ETV7: variants seen among roughly 807,000 people sequenced by gnomAD.
ETV7 encodes the protein transcription factor ETV7.
A neutral mutation model predicts 39.1 loss-of-function variants in ETV7; 43 were observed. The observed-to-expected ratio is 1.10, with a 90% CI of 0.86 to 1.42. The LOEUF (loss-of-function observed/expected upper bound fraction) is 1.42. Ranked by LOEUF, ETV7 falls within the 40% of genes most tolerant of loss-of-function variation. The pLI, the probability that ETV7 is intolerant of heterozygous loss-of-function variation, is 0.00. For missense variants in ETV7, 432 were observed against 442.3 expected, an observed-to-expected ratio of 0.98 and a Z score of 0.21; for synonymous variants, 196 against 176.6, an observed-to-expected ratio of 1.11 and a Z score of -0.87.
At position 36,371,414 on chromosome 6, in the gene ETV7, G is replaced by A. The variant is rs551655795; in HGVS notation, c.580C>T (p.His194Tyr). ...GTCCTGCAGCCGAGCTCTGCACAGT[G>A]ACATAAGTTGAGGGACTCCTCCTTG... is the stretch of plus-strand genomic sequence containing the variant. ...PGKEESLNLC[H>Y]CAELGCRTQG... Residue 194 changes from histidine (H) to tyrosine (Y), a missense_variant, in exon 5 of 8, where the codon CAC becomes TAC. Physicochemically the swap from His to Tyr is moderately conservative, Grantham distance 83. Coordinates refer to ENST00000340181, the MANE Select transcript of ETV7 (RefSeq NM_016135.4). 19 of 1,602,542 alleles carry A rather than the reference G, an allele frequency of 1.2e-5. No individual in the cohort carries two copies. The highest frequency in any genetic ancestry group is 1.5e-5 in the Non-Finnish European group (18 of 1,174,008).
At chr6:36,385,745 A>AT (rs1438564761) in intron 1 of ETV7, 76 bp from the exon 2 acceptor site, 2 of 1,503,914 alleles carry the variant, frequency 1.3e-6, no homozygotes, top group Non-Finnish European at 1.8e-6. Flanking sequence ...TGTCTTAAGA[A>AT]TTTTTTTGGA....
intron 7 of ETV7, among the ~76,000 whole-genome samples, chr6:36,356,087 G>A (rs894558918): frequency 4.6e-5 from 7 of 152,188 alleles, no homozygotes; most frequent in African/African-American, 1.4e-4. Flanking sequence ...AAAAGGAGAT[G>A]TATTCGAAAG....
Position 36,368,978 on chromosome 6 carries a change from A to G in ETV7, c.758T>C (p.Phe253Ser), listed in dbSNP as rs1356847720. Residue 253 changes from phenylalanine to serine, a missense_variant, in exon 6 of 8, where the codon TTC becomes TCC. By Grantham distance (155) the Phe-to-Ser change is radical (BLOSUM62 -2). Transcript: ENST00000340181. ...IKWEDKDAKI[F>S]RVVDPNGLAR... is the part of the protein sequence containing the mutation. Reference sequence around the variant, plus strand: ...GAGCCCATTTGGATCCACAACTCGGAAGATCTTGGCGTCCTTGTCTTCCCA... The same window carrying G: ...GAGCCCATTTGGATCCACAACTCGGGAGATCTTGGCGTCCTTGTCTTCCCA... 8 of 1,614,180 alleles carry G rather than the reference A, an allele frequency of 5.0e-6. No individual in the cohort carries two copies. The highest frequency in any genetic ancestry group is 6.8e-6 in the Non-Finnish European group (8 of 1,180,026).
At chr6:36,376,778 G>GA (rs60435053) in intron 2 of ETV7, among the ~76,000 whole-genome samples, 265 of 91,948 alleles carry the variant, frequency 2.9e-3, no homozygotes, top group Middle Eastern at 6.5e-3. Flanking sequence ...TCCCTCTAAA[G>GA]AAAAAAAAAA....
downstream of ETV7, among the ~76,000 whole-genome samples, chr6:36,362,167 G>A (rs1007339152): frequency 6.6e-6 from 1 of 152,144 alleles, no homozygotes; most frequent in African/African-American, 2.4e-5. Flanking sequence ...GCGCGGTGGC[G>A]GGCACCTGTA....
chr6:36,362,672 G>T (rs1217503170), downstream of ETV7, among the ~76,000 whole-genome samples: 1 of 152,182 alleles, frequency 6.6e-6, no homozygotes, highest in African/African-American at 2.4e-5. Context: ...ACCACGGCCT[G>T]ATCTCCCTGG....
downstream of ETV7, among the ~76,000 whole-genome samples, chr6:36,363,305 A>G (rs139962357): frequency 4.9e-3 from 746 of 152,044 alleles, 5 homozygotes; most frequent in African/African-American, 0.017. Flanking sequence ...TCGCTGGCTC[A>G]GGAGTGAAGC....
chr6:36,372,131 A>G (rs577729240), intron 4 of ETV7, among the ~76,000 whole-genome samples: 47 of 152,362 alleles, frequency 3.1e-4, no homozygotes, highest in African/African-American at 1.1e-3. Context: ...GAGGCTGCTC[A>G]GGCCTCCCTG....
In ETV7 at chr6:36,371,522, G is replaced by A. The variant is rs774827450; in HGVS notation, c.472C>T (p.His158Tyr). ...GPSQMDTRRG[H>Y]LLQPPDPGLT... The stretch of plus-strand genomic sequence containing the variant: ...CCTGGGTCTGGTGGCTGCAGCAGGT[G>A]GCCCCTTCGGGTGTCCATCTGAGAG... Residue 158 changes from histidine (H) to tyrosine (Y), a missense_variant, in exon 5 of 8, where the codon CAC becomes TAC. Transcript: ENST00000340181. The A allele has an allele frequency of 1.7e-5, 28 of 1,603,222 alleles. No homozygotes were observed. The highest frequency in any genetic ancestry group is 2.4e-5 in the Non-Finnish European group (28 of 1,175,870).
intron 2 of ETV7, among the ~76,000 whole-genome samples, chr6:36,379,928 T>C (rs2127399640): frequency 6.6e-6 from 1 of 151,210 alleles, no homozygotes. Context: ...GCATAGATGA[T>C]GTTGCCAGGC....
downstream of ETV7, chr6:36,366,114 C>T: frequency 1.2e-6 from 1 of 867,874 alleles, no homozygotes; most frequent in Non-Finnish European, 1.4e-6. Flanking sequence ...GCGGAAGTTG[C>T]AGTGAGCCGA....
downstream of ETV7, among the ~76,000 whole-genome samples, chr6:36,364,304 A>G (rs1338024626): frequency 6.6e-6 from 1 of 152,198 alleles, no homozygotes; most frequent in Non-Finnish European, 1.5e-5. Context: ...GGGGAGGCTC[A>G]GGCCGCACAG....
chr6:36,381,710 C>T (rs1472443147), intron 2 of ETV7, among the ~76,000 whole-genome samples: 3 of 152,174 alleles, frequency 2.0e-5, no homozygotes, highest in African/African-American at 4.8e-5. Flanking sequence ...CCAAGCTTTA[C>T]GGTCATCACC....
downstream of ETV7, among the ~76,000 whole-genome samples, chr6:36,363,480 C>A (rs149006061): frequency 6.2e-3 from 941 of 151,258 alleles, 13 homozygotes; most frequent in African/African-American, 0.021. Flanking sequence ...ATTCATTCCT[C>A]CCGGTGGGGT....
intron 2 of ETV7, among the ~76,000 whole-genome samples, chr6:36,381,663 A>G (rs1269378599): frequency 6.6e-6 from 1 of 151,972 alleles, no homozygotes; most frequent in African/African-American, 2.4e-5. Flanking sequence ...GCTTGGCCCC[A>G]TTGTCTTGGT....
rs59649348 is a variant in ETV7, at chr6:36,356,323, C to CAAAAA, written c.909-1641_909-1637dup. On this transcript the variant is annotated intron_variant, in intron 7 of 7. Coordinates refer to the ETV7 transcript ENST00000339796. ...TGGGTAAAAGAGTGAGACCCTGTCT[C>CAAAAA]AAAAAAAAAAAAAAAACAAAAAAAA... Among the ~76,000 whole-genome samples the CAAAAA allele has an allele frequency of 3.7e-3, 290 of 77,650 alleles. 4 individuals are homozygous for CAAAAA. Among genetic ancestry groups the CAAAAA allele is most frequent in the South Asian group, 9.1e-3 (22 of 2,406 alleles). The allele number at this position is 77,650 out of a possible 152,430, so 50.9% of individuals were successfully genotyped here.
chr6:36,376,082 C>T (rs1276894765), intron 2 of ETV7, 47 bp from the exon 3 acceptor site: 2 of 1,538,866 alleles, frequency 1.3e-6, no homozygotes, highest in Non-Finnish European at 8.8e-7. Context: ...CGGGCCTCCT[C>T]AAAGAAGCCC....
downstream of ETV7, among the ~76,000 whole-genome samples, chr6:36,363,606 G>A (rs1270182259): frequency 6.6e-6 from 1 of 152,244 alleles, no homozygotes; most frequent in African/African-American, 2.4e-5. Context: ...GTGTCAAAGG[G>A]GACCAGAACG....
In ETV7 at chr6:36,366,599, C is replaced by T. The variant is rs781430808; in HGVS notation, c.*46G>A. The T allele has an allele frequency of 9.9e-6, 16 of 1,612,728 alleles. No homozygotes were observed. The highest frequency in any genetic ancestry group is 1.3e-5 in the African/African-American group (1 of 74,874). On this transcript the variant is annotated 3_prime_UTR_variant, in exon 8 of 8. Coordinates refer to ENST00000340181, the MANE Select transcript of ETV7 (RefSeq NM_016135.4). ...GAGGAGTCTGCCTTCATGGGAGACT[C>T]GGTCCCTGCCCCATCGGTACCGGGT...
Sources: allele counts gnomAD v4.1 joint callset (sites outside exome capture counted in the v4.1 genomes callset), GRCh38; gene constraint gnomAD v4.1.1; transcripts MANE v1.5; gene names NCBI Gene and HGNC (gene_info 2026-07-23, HGNC 2026-07-21).